The following PICALM variants were observed in gnomAD, a reference collection of about 807,000 sequenced individuals.
PICALM encodes phosphatidylinositol binding clathrin assembly protein.
A neutral mutation model predicts 80.5 loss-of-function variants in PICALM; 40 were observed. That is an observed-to-expected ratio of 0.50 (90% CI 0.39 to 0.65). The LOEUF (loss-of-function observed/expected upper bound fraction) is 0.65, where lower values mean the gene tolerates loss of function less well. PICALM is among the 30% of genes least tolerant of loss of function. The probability of loss-of-function intolerance (pLI) is 0.00; values close to 1 mark genes in which losing one functional copy is unlikely to be tolerated. For synonymous variants in PICALM, 288 were observed against 260.3 expected (o/e 1.11, Z -1.02); for missense variants, 676 against 778.9 (o/e 0.87, Z 1.57).
intron 9 of PICALM, among the ~76,000 whole-genome samples, chr11:86,001,463 A>G (rs2095141997): frequency 6.6e-6 from 1 of 152,210 alleles, no homozygotes; most frequent in Non-Finnish European, 1.5e-5. Context: ...AACCAGTGCA[A>G]TTGGGAAAGA....
At chr11:86,064,954 T>C (rs778220856) in intron 1 of PICALM, among the ~76,000 whole-genome samples, 1 of 151,912 alleles carries the variant, frequency 6.6e-6, no homozygotes, top group Non-Finnish European at 1.5e-5. Flanking sequence ...TGGTGGCACA[T>C]GCCTATAGTC....
At position 86,004,914 on chromosome 11, in the gene PICALM, C is replaced by A. The variant is rs188301287; in HGVS notation, c.808-1463G>T. Among the ~76,000 whole-genome samples, 199 of 152,196 alleles carry A rather than the reference C, an allele frequency of 1.3e-3. 1 individual carries two copies. The highest frequency in any genetic ancestry group is 4.7e-3 in the African/African-American group (194 of 41,530). ...AGTATACATACACTTTCAAACAGCC[C>A]CAGCAAAAATGTTTGCTAATCAGCA... On this transcript the variant is annotated intron_variant, in intron 8 of 19. Transcript: ENST00000393346.
At chr11:86,066,942 A>C (rs749385231) in intron 1 of PICALM, among the ~76,000 whole-genome samples, 2 of 152,226 alleles carry the variant, frequency 1.3e-5, no homozygotes, top group Non-Finnish European at 2.9e-5. Context: ...TTTTCTGTTC[A>C]TAAGAGTGTC....
At chr11:85,969,274 G>T (rs2094017941) in intron 19 of PICALM, among the ~76,000 whole-genome samples, 1 of 152,170 alleles carries the variant, frequency 6.6e-6, no homozygotes, top group Non-Finnish European at 1.5e-5. Flanking sequence ...ATGTTAACTT[G>T]ATATAATAGT....
intron 5 of PICALM, among the ~76,000 whole-genome samples, 177 bp from the exon 6 acceptor site, chr11:86,012,569 G>T (rs1384500406): frequency 2.0e-5 from 3 of 152,084 alleles, no homozygotes; most frequent in Non-Finnish European, 2.9e-5. Context: ...CCATATAAAT[G>T]AACATTATTT....
chr11:85,975,093 AC>A (rs2094234112), intron 18 of PICALM, among the ~76,000 whole-genome samples: 1 of 152,252 alleles, frequency 6.6e-6, no homozygotes, highest in South Asian at 2.1e-4. Context: ...TTGTATTACA[AC>A]AGATAAAATG....
At chr11:85,986,959 G>A (rs189721194) in intron 13 of PICALM, among the ~76,000 whole-genome samples, 21 of 152,304 alleles carry the variant, frequency 1.4e-4, no homozygotes, top group African/African-American at 4.3e-4. Context: ...CCACTGGCCT[G>A]CAGGTTAAAT....
At chr11:86,011,330 A>T (rs2095390465) in intron 6 of PICALM, among the ~76,000 whole-genome samples, 194 bp from the exon 7 acceptor site, 1 of 152,248 alleles carries the variant, frequency 6.6e-6, no homozygotes, top group Non-Finnish European at 1.5e-5. Flanking sequence ...TAAAAAAAGA[A>T]ACATTACTTG....
intron 13 of PICALM, 97 bp downstream of exon 13, chr11:85,990,153 T>G (rs2094717985): frequency 3.3e-6 from 2 of 609,194 alleles, no homozygotes; most frequent in Admixed American, 6.1e-5. Flanking sequence ...AAATCTAAAG[T>G]AACTATTGCA....
chr11:85,984,919 T>G (rs527647512), intron 13 of PICALM, among the ~76,000 whole-genome samples: 1 of 152,148 alleles, frequency 6.6e-6, no homozygotes, highest in Non-Finnish European at 1.5e-5. Context: ...CTTTCAATCA[T>G]TGAGTATATC....
chr11:85,960,514 C>T lies in PICALM; in HGVS notation c.1945-1454G>A, dbSNP rs619548. Among the ~76,000 whole-genome samples, 1,449 of 152,206 alleles carry T rather than the reference C, an allele frequency of 9.5e-3. 9 individuals are homozygous for T. Among genetic ancestry groups the T allele is most frequent in the Middle Eastern group, 0.017 (5 of 294 alleles). On this transcript the variant is annotated intron_variant, in intron 19 of 19. Transcript: ENST00000393346. The stretch of plus-strand genomic sequence containing the variant: ...TCCAAAAGTTGTTTTTCCTTATGTC[C>T]TATCTTTTCATTCTGCACCTAAAGA...
rs1436099772 is a variant in PICALM at position 86,052,142 on chromosome 11, T to C, written c.130+16509A>G. On this transcript the variant is annotated intron_variant, in intron 1 of 19. Transcript: ENST00000393346. ...GGACCAGGTGGAGATAACTGAATCA[T>C]AGCGACAGTTTCTCCCATGCTGTTC... is the stretch of plus-strand genomic sequence containing the variant. Among the ~76,000 whole-genome samples, 5 of 152,312 alleles carry C rather than the reference T, an allele frequency of 3.3e-5. No homozygotes were observed. The East Asian group carries it at 7.7e-4, about 23-fold the overall frequency.
chr11:86,042,674 A>AAAT (rs1555129590), intron 1 of PICALM, among the ~76,000 whole-genome samples: 2 of 151,606 alleles, frequency 1.3e-5, no homozygotes, highest in African/African-American at 4.8e-5. Flanking sequence ...AAAAAAAAAA[A>AAAT]ATCTAGTACT....
intron 1 of PICALM, among the ~76,000 whole-genome samples, chr11:86,036,251 CGTAA>C (rs2095841830): frequency 6.6e-6 from 1 of 152,052 alleles, no homozygotes; most frequent in Non-Finnish European, 1.5e-5. Flanking sequence ...TTTGCCTAGT[CGTAA>C]GTGTCAATGT....
chr11:85,962,120 G>C (rs1012974133), intron 19 of PICALM, among the ~76,000 whole-genome samples: 1 of 152,168 alleles, frequency 6.6e-6, no homozygotes, highest in East Asian at 1.9e-4. Flanking sequence ...TGGGAGGACA[G>C]AGCAGCATGC....
At chr11:85,988,716 T>C (rs1373289368) in intron 13 of PICALM, among the ~76,000 whole-genome samples, 1 of 151,558 alleles carries the variant, frequency 6.6e-6, no homozygotes, top group Non-Finnish European at 1.5e-5. Flanking sequence ...CAGTTATGAG[T>C]GGGATGGGTA....
intron 1 of PICALM, among the ~76,000 whole-genome samples, chr11:86,055,861 T>A (rs561555480): frequency 1.3e-5 from 2 of 151,648 alleles, no homozygotes; most frequent in East Asian, 3.9e-4. Flanking sequence ...TGGGTGAGAG[T>A]GTGATGGCTC....
chr11:86,051,695 T>A (rs952623871), intron 1 of PICALM, among the ~76,000 whole-genome samples: 1 of 152,076 alleles, frequency 6.6e-6, no homozygotes, highest in East Asian at 1.9e-4. Flanking sequence ...AAAGTTGACA[T>A]CTCAAAATGT....
At chr11:85,965,800 C>G (rs2093858567) in intron 19 of PICALM, among the ~76,000 whole-genome samples, 1 of 144,164 alleles carries the variant, frequency 6.9e-6, no homozygotes. Flanking sequence ...AATGCATTAC[C>G]CATTTTGTTT....
Sources: gnomAD v4.1 joint callset for allele counts (sites outside exome capture counted in the v4.1 genomes callset) on GRCh38, gnomAD v4.1.1 for gene constraint, MANE v1.5 for transcripts, NCBI Gene and HGNC (gene_info 2026-07-23, HGNC 2026-07-21) for gene names.